Variants in DTWD2 observed in about 807,000 individuals in gnomAD.
DTWD2 encodes tRNA-uridine aminocarboxypropyltransferase 2.
In DTWD2, 39 loss-of-function variants were observed where a neutral mutation model predicts 31.8. The observed-to-expected ratio is 1.22, with a 90% CI of 0.95 to 1.60. The LOEUF is 1.60. Ranked by LOEUF, DTWD2 falls within the 40% of genes most tolerant of loss-of-function variation. The pLI, the probability that DTWD2 is intolerant of heterozygous loss-of-function variation, is 0.00. For missense variants in DTWD2, 515 were observed against 381.5 expected, an observed-to-expected ratio of 1.35 and a Z score of -2.92; for synonymous variants, 180 against 142.8, an observed-to-expected ratio of 1.26 and a Z score of -1.86.
rs188492356 is a variant in DTWD2 at position 118,921,246 on chromosome 5, C to T, written c.597+7291G>A. ...TGCCAACAAAATTATGAATAATATGCAAAGGTAAAAAAGTAAATCCCTTGA... is the reference window on the plus strand; with the variant it reads ...TGCCAACAAAATTATGAATAATATGTAAAGGTAAAAAAGTAAATCCCTTGA... On this transcript the variant is annotated intron_variant, in intron 4 of 5. Transcript: ENST00000510708. 1.6e-3 allele frequency among the ~76,000 whole-genome samples: 237 copies of T among 152,086 alleles called. 2 individuals are homozygous for T. Among genetic ancestry groups the T allele is most frequent in the African/African-American group, 5.4e-3 (225 of 41,502 alleles).
intron 1 of DTWD2, among the ~76,000 whole-genome samples, chr5:118,987,231 A>T (rs1029378859): frequency 3.9e-5 from 6 of 152,140 alleles, no homozygotes; most frequent in Non-Finnish European, 7.4e-5. Flanking sequence ...CCTATGTTCA[A>T]ATTCACAGTC....
At chr5:118,907,825 G>A (rs1056999827) in intron 4 of DTWD2, among the ~76,000 whole-genome samples, 1 of 151,978 alleles carries the variant, frequency 6.6e-6, no homozygotes, top group African/African-American at 2.4e-5. Context: ...ACTCAGGGGA[G>A]GGTCGGTCTT....
At chr5:118,956,189 G>A (rs1754583982) in intron 1 of DTWD2, among the ~76,000 whole-genome samples, 1 of 152,164 alleles carries the variant, frequency 6.6e-6, no homozygotes, top group Admixed American at 6.5e-5. Flanking sequence ...ATTTATAACA[G>A]ACTGACCAAA....
At chr5:118,976,367 A>G (rs182159788) in intron 1 of DTWD2, among the ~76,000 whole-genome samples, 6 of 149,272 alleles carry the variant, frequency 4.0e-5, no homozygotes, top group African/African-American at 1.3e-4. Flanking sequence ...TAGAGACACA[A>G]AAAAACCCTT....
intron 1 of DTWD2, among the ~76,000 whole-genome samples, chr5:118,953,073 G>A (rs1004703231): frequency 6.6e-6 from 1 of 152,158 alleles, no homozygotes; most frequent in African/African-American, 2.4e-5. Flanking sequence ...GCTGTTATCA[G>A]AATCACCTAG....
At chr5:118,884,958 T>C (rs1752825149) in intron 4 of DTWD2, among the ~76,000 whole-genome samples, 1 of 133,934 alleles carries the variant, frequency 7.5e-6, no homozygotes. Context: ...ACTACGCCAC[T>C]GCACTCCAGT....
chr5:118,929,971 C>T (rs1753887408), intron 3 of DTWD2, among the ~76,000 whole-genome samples: 1 of 152,200 alleles, frequency 6.6e-6, no homozygotes, highest in Non-Finnish European at 1.5e-5. Flanking sequence ...CTCCCCGTCC[C>T]AAATGTTTTT....
chr5:118,895,175 AC>A (rs1753058712), intron 4 of DTWD2, among the ~76,000 whole-genome samples: 1 of 152,198 alleles, frequency 6.6e-6, no homozygotes, highest in South Asian at 2.1e-4. Flanking sequence ...CAAGATGGGT[AC>A]AAAATCAACA....
chr5:118,892,183 T>C (rs558657555), intron 4 of DTWD2, among the ~76,000 whole-genome samples: 1 of 152,142 alleles, frequency 6.6e-6, no homozygotes, highest in Non-Finnish European at 1.5e-5. Flanking sequence ...AGCTCAATTT[T>C]AATCAAAAAT....
At chr5:118,925,532 T>C (rs977639242) in intron 4 of DTWD2, among the ~76,000 whole-genome samples, 11 of 152,174 alleles carry the variant, frequency 7.2e-5, no homozygotes, top group African/African-American at 1.9e-4. Context: ...AACTCATTGA[T>C]AGTATGGAGA....
intron 4 of DTWD2, among the ~76,000 whole-genome samples, chr5:118,901,914 T>C (rs917219456): frequency 6.6e-6 from 1 of 152,184 alleles, no homozygotes; most frequent in African/African-American, 2.4e-5. Context: ...GGCTCAGAAA[T>C]GTTTATTTTT....
chr5:118,883,051 A>G (rs1198363920), intron 4 of DTWD2, among the ~76,000 whole-genome samples: 1 of 152,198 alleles, frequency 6.6e-6, no homozygotes, highest in African/African-American at 2.4e-5. Flanking sequence ...AAGTTCCAAT[A>G]TCAAACCATC....
At chr5:118,848,400 T>C (rs988044551) in intron 4 of DTWD2, among the ~76,000 whole-genome samples, 182 bp from the exon 5 acceptor site, 12 of 152,158 alleles carry the variant, frequency 7.9e-5, no homozygotes, top group African/African-American at 2.7e-4. Flanking sequence ...AAGATAGCTA[T>C]ATAGAAGAAG....
chr5:118,952,961 TTTG>T (rs1754499201), intron 1 of DTWD2, among the ~76,000 whole-genome samples: 2 of 152,316 alleles, frequency 1.3e-5, no homozygotes, highest in African/African-American at 4.8e-5. Flanking sequence ...ATGACAAAAT[TTTG>T]TTTTCACATC....
At chr5:118,921,403 C>A (rs1753700464) in intron 4 of DTWD2, among the ~76,000 whole-genome samples, 1 of 151,602 alleles carries the variant, frequency 6.6e-6, no homozygotes, top group African/African-American at 2.4e-5. Context: ...CTAGTCCCAC[C>A]ACTGAGGTCA....
intron 4 of DTWD2, among the ~76,000 whole-genome samples, chr5:118,865,935 C>G (rs954662477): frequency 2.6e-5 from 4 of 151,930 alleles, no homozygotes; most frequent in Non-Finnish European, 4.4e-5. Flanking sequence ...TCCAGAGCAG[C>G]TGACAACCAG....
chr5:118,925,798 T>C (rs930799518), intron 4 of DTWD2, among the ~76,000 whole-genome samples: 4 of 151,852 alleles, frequency 2.6e-5, no homozygotes, highest in African/African-American at 9.7e-5. Flanking sequence ...TGAGCCGAGA[T>C]TGTGCCACTG....
At position 118,939,190 on chromosome 5, in the gene DTWD2, A is replaced by T; in HGVS notation, c.404+6T>A. The T allele has an allele frequency of 6.2e-7, 1 of 1,600,216 alleles. No individual in the cohort carries two copies. Among genetic ancestry groups the T allele is most frequent in the Non-Finnish European group, 8.5e-7 (1 of 1,173,854 alleles). On this transcript the variant is annotated splice_donor_region_variant and intron_variant, in intron 3 of 5. Coordinates refer to ENST00000510708, the MANE Select transcript of DTWD2 (RefSeq NM_173666.4). ...ATTATTTACATTGCCCTAACAGTTA[A>T]TTTACCTTTCTTCACTGAAGCGACG...
intron 2 of DTWD2, among the ~76,000 whole-genome samples, chr5:118,942,431 G>A (rs552449631): frequency 1.2e-3 from 188 of 152,148 alleles, no homozygotes; most frequent in African/African-American, 4.4e-3. Flanking sequence ...AAACACATCT[G>A]TAGCACACAC....
Sources: allele counts gnomAD v4.1 joint callset (sites outside exome capture counted in the v4.1 genomes callset), GRCh38; gene constraint gnomAD v4.1.1; transcripts MANE v1.5; gene names NCBI Gene and HGNC (gene_info 2026-07-23, HGNC 2026-07-21).